The following TYR variants were observed in gnomAD, a reference collection of about 807,000 sequenced individuals.
The protein encoded by TYR is tyrosinase.
A neutral mutation model predicts 51.5 loss-of-function variants in TYR; 58 were observed. The ratio of observed to expected loss-of-function variants is 1.13; its 90% CI spans 0.91 to 1.40. The LOEUF (loss-of-function observed/expected upper bound fraction) is 1.40, where lower values mean the gene tolerates loss of function less well. Among genes scored for constraint, TYR ranks in the 40% most tolerant of loss-of-function variants. The pLI, the probability that TYR is intolerant of heterozygous loss-of-function variation, is 0.00. For missense variants in TYR, 732 were observed against 647.4 expected, an observed-to-expected ratio of 1.13 and a Z score of -1.42; for synonymous variants, 263 against 235.2, an observed-to-expected ratio of 1.12 and a Z score of -1.08.
chr11:89,179,040 A>T (rs56150473), intron 1 of TYR, among the ~76,000 whole-genome samples: 2,991 of 152,322 alleles, frequency 0.02, 95 homozygotes, highest in African/African-American at 0.068. Context: ...TTCCCAGAAC[A>T]TAGTATGGTG....
intron 2 of TYR, among the ~76,000 whole-genome samples, chr11:89,222,001 T>C (rs998018969): frequency 6.6e-5 from 10 of 152,248 alleles, no homozygotes; most frequent in Admixed American, 1.3e-4. Flanking sequence ...GCCTAGCCAG[T>C]GACTGTTACA....
At chr11:89,265,196 A>C (rs80205959) in intron 3 of TYR, among the ~76,000 whole-genome samples, 4,665 of 152,180 alleles carry the variant, frequency 0.031, 249 homozygotes, top group African/African-American at 0.1. Flanking sequence ...ATCATAAGAA[A>C]TCAGGGATAT....
Position 89,191,208 on chromosome 11 carries a change from T to C in TYR, c.826T>C (p.Cys276Arg). ...ASFFSSWQIV[C>R]SRLEEYNSHQ... ...ATGAGGGTGTTTTGTACAGATTGTC[T>C]GTAGCCGATTGGAGGAGTACAACAG... is the stretch of plus-strand genomic sequence containing the variant. The change falls in exon 2 of 5, where the codon TGT becomes CGT. Residue 276 changes from cysteine to arginine, a missense_variant. Physicochemically the swap from Cys to Arg is radical, Grantham distance 180. Coordinates refer to ENST00000263321, the MANE Select transcript of TYR (RefSeq NM_000372.5). 2 of 1,613,458 alleles carry C rather than the reference T, an allele frequency of 1.2e-6. No homozygotes were observed. The highest frequency in any genetic ancestry group is 1.7e-6 in the Non-Finnish European group (2 of 1,179,614).
At chr11:89,293,493 C>T (rs930799362) in intron 4 of TYR, among the ~76,000 whole-genome samples, 2 of 151,728 alleles carry the variant, frequency 1.3e-5, no homozygotes, top group East Asian at 1.9e-4. Context: ...TTTATGAATA[C>T]GTTCATAGAA....
intron 3 of TYR, among the ~76,000 whole-genome samples, chr11:89,265,962 T>C (rs1944521732): frequency 6.6e-6 from 1 of 151,954 alleles, no homozygotes; most frequent in African/African-American, 2.4e-5. Context: ...AGGAAATAAA[T>C]GGTAAGTACA....
rs1255964116 is a variant in TYR at position 89,265,434 on chromosome 11, A to T, written c.1185-19339A>T. ...GAAATATGTCTTCATAGCTCCTATT[A>T]CCCTTGATTTTTCTTAACTGGGCCT... On this transcript the variant is annotated intron_variant, in intron 3 of 4. Coordinates refer to ENST00000263321, the MANE Select transcript of TYR (RefSeq NM_000372.5). Among the ~76,000 whole-genome samples, 4 of 151,982 alleles carry T rather than the reference A, an allele frequency of 2.6e-5. No homozygotes were observed. The East Asian group carries it at 7.7e-4, about 29-fold the overall frequency.
intron 4 of TYR, among the ~76,000 whole-genome samples, chr11:89,287,948 A>G (rs995078886): frequency 6.6e-6 from 1 of 151,984 alleles, no homozygotes; most frequent in Non-Finnish European, 1.5e-5. Context: ...TTATTTATAT[A>G]TCAGATGAAG....
chr11:89,192,885 T>C (rs1249960474), intron 2 of TYR, among the ~76,000 whole-genome samples: 2 of 152,184 alleles, frequency 1.3e-5, no homozygotes, highest in Admixed American at 6.6e-5. Context: ...CTTTTGGTTA[T>C]TGATTCCCAT....
chr11:89,264,638 T>A (rs915104588), intron 3 of TYR, among the ~76,000 whole-genome samples: 9 of 151,738 alleles, frequency 5.9e-5, no homozygotes, highest in Non-Finnish European at 1.3e-4. Context: ...GTAGCACTAT[T>A]CACAATAGCA....
chr11:89,204,553 C>T (rs921925949), intron 2 of TYR, among the ~76,000 whole-genome samples: 1 of 151,732 alleles, frequency 6.6e-6, no homozygotes, highest in African/African-American at 2.4e-5. Context: ...CACCAACAAG[C>T]CCGGCTAATT....
At chr11:89,222,712 C>A (rs1347696377) in intron 2 of TYR, among the ~76,000 whole-genome samples, 2 of 152,052 alleles carry the variant, frequency 1.3e-5, no homozygotes, top group East Asian at 3.9e-4. Flanking sequence ...GCACTCCAGC[C>A]TGGGCAACAG....
intron 3 of TYR, among the ~76,000 whole-genome samples, chr11:89,230,566 A>G (rs1279729167): frequency 6.6e-6 from 1 of 152,164 alleles, no homozygotes; most frequent in Non-Finnish European, 1.5e-5. Context: ...CAAGCGACCA[A>G]GAAAACAATT....
intron 2 of TYR, among the ~76,000 whole-genome samples, chr11:89,219,573 C>G (rs1054376195): frequency 2.6e-5 from 4 of 152,062 alleles, no homozygotes; most frequent in Admixed American, 2.6e-4. Context: ...ACAGGCGTGA[C>G]CCACTGTGCC....
At chr11:89,208,854 GATTTTCCATATCAATCA>G (rs1943710654) in intron 2 of TYR, among the ~76,000 whole-genome samples, 1 of 152,104 alleles carries the variant, frequency 6.6e-6, no homozygotes. Context: ...TATAAAGAAA[GATTTTCCATATCAATCA>G]ATTTTTATGG....
chr11:89,195,620 A>T lies in TYR; in HGVS notation c.1036+4202A>T, dbSNP rs1591146143. Among the ~76,000 whole-genome samples the T allele has an allele frequency of 3.3e-5, 5 of 152,268 alleles. 1 individual carries two copies. Among genetic ancestry groups the T allele is most frequent in the Admixed American group, 3.3e-4 (5 of 15,288 alleles). On this transcript the variant is annotated intron_variant, in intron 2 of 4. Coordinates refer to ENST00000263321, the MANE Select transcript of TYR (RefSeq NM_000372.5). The stretch of plus-strand genomic sequence containing the variant: ...CTTGAACCCAGGAGGCAGAGGCTGC[A>T]GTGAGCCTAGATCATGCCACTGCAC...
chr11:89,242,439 G>A (rs1356108859), intron 3 of TYR, among the ~76,000 whole-genome samples: 1 of 152,034 alleles, frequency 6.6e-6, no homozygotes, highest in African/African-American at 2.4e-5. Flanking sequence ...TCAAACTCCT[G>A]ACCTCAGGTG....
intron 3 of TYR, among the ~76,000 whole-genome samples, chr11:89,269,374 T>C (rs190737799): frequency 3.9e-5 from 6 of 152,042 alleles, no homozygotes; most frequent in Admixed American, 2.6e-4. Context: ...TTTATTTGAG[T>C]GCAATTTCTG....
chr11:89,180,443 A>G (rs543567989), intron 1 of TYR, among the ~76,000 whole-genome samples: 2 of 152,266 alleles, frequency 1.3e-5, no homozygotes, highest in African/African-American at 2.4e-5. Context: ...GTAATACCAG[A>G]TGCTATCCAC....
chr11:89,271,637 GA>G (rs1434208526), intron 3 of TYR, among the ~76,000 whole-genome samples: 2 of 151,598 alleles, frequency 1.3e-5, no homozygotes, highest in African/African-American at 2.4e-5. Context: ...CTTAAAACAA[GA>G]AAAAAATAGA....
Sources: gnomAD v4.1 joint callset for allele counts (sites outside exome capture counted in the v4.1 genomes callset) on GRCh38, gnomAD v4.1.1 for gene constraint, MANE v1.5 for transcripts, NCBI Gene and HGNC (gene_info 2026-07-23, HGNC 2026-07-21) for gene names.